The following ECD variants were observed in gnomAD, a reference collection of about 807,000 sequenced individuals.
The protein encoded by ECD is protein ecdysoneless homolog.
ECD carries 59 observed loss-of-function variants against 77.2 expected under a neutral mutation model. That is an observed-to-expected ratio of 0.76 (90% CI 0.62 to 0.95). The LOEUF (loss-of-function observed/expected upper bound fraction) is 0.95, where lower values mean the gene tolerates loss of function less well. Ranked by LOEUF, ECD falls within the 40% of genes least tolerant of loss-of-function variation. ECD has a pLI of 0.00. For synonymous variants in ECD, 233 were observed against 267.4 expected (o/e 0.87, Z 1.26); for missense variants, 704 against 763.4 (o/e 0.92, Z 0.92).
At position 73,148,594 on chromosome 10, in the gene ECD, T is replaced by C. The variant is rs549395958; in HGVS notation, c.913-190A>G. 5.3e-5 allele frequency among the ~76,000 whole-genome samples: 8 copies of C among 152,324 alleles called. No homozygotes were observed. In the East Asian group the frequency reaches 1.3e-3, roughly 26 times the overall value. Reference sequence around the variant, plus strand: ...TTATTCCCAAGTTTCTCAATCATTATAGATTACTAAAAACATAAAAGGAAA... The same window carrying C: ...TTATTCCCAAGTTTCTCAATCATTACAGATTACTAAAAACATAAAAGGAAA... On this transcript the variant is annotated intron_variant, in intron 7 of 13. Transcript: ENST00000372979.
chr10:73,158,208 G>A (rs1033524691), intron 3 of ECD, among the ~76,000 whole-genome samples: 4 of 151,798 alleles, frequency 2.6e-5, no homozygotes, highest in East Asian at 1.9e-4. Flanking sequence ...TGATGCTTCC[G>A]CTTCGACTTC....
chr10:73,148,993 T>C (rs947330372), intron 7 of ECD, among the ~76,000 whole-genome samples: 3 of 152,168 alleles, frequency 2.0e-5, no homozygotes, highest in African/African-American at 7.2e-5. Context: ...ACTCCACCCC[T>C]TTTGTTGCTC....
chr10:73,156,135 G>T, intron 5 of ECD, 140 bp downstream of exon 5: 1 of 601,946 alleles, frequency 1.7e-6, no homozygotes, highest in Non-Finnish European at 2.6e-6. Flanking sequence ...ATTAATCTAG[G>T]TGAAAGGTAT....
At chr10:73,160,291 A>G (rs201751533) in intron 3 of ECD, 143 bp downstream of exon 3, 52,254 of 464,252 alleles carry the variant, frequency 0.11, 5,732 homozygotes, top group African/African-American at 0.33. Flanking sequence ...CTCAAAAAAA[A>G]AAAAAAAGAG....
Position 73,139,631 on chromosome 10 carries a change from C to T in ECD, c.1234G>A (p.Asp412Asn), listed in dbSNP as rs781685876. ...CACTGTATCCTGGTCCATCACTTAC[C>T]ATCCTCTGGGGGAAGATTAGCTGCT... ...KEAANLPPED[D>N]DQWLDLSPDQ... Residue 412 changes from aspartate (D) to asparagine (N), a missense_variant and splice_region_variant, in exon 10 of 14, where the codon GAT (aspartate) becomes AAT (asparagine). Coordinates refer to ENST00000372979, the MANE Select transcript of ECD (RefSeq NM_007265.3). The T allele has an allele frequency of 1.9e-6, 3 of 1,604,930 alleles. No homozygotes were observed. Among genetic ancestry groups the T allele is most frequent in the Non-Finnish European group, 1.7e-6 (2 of 1,176,468 alleles).
At chr10:73,134,849 T>C (rs558791104) in intron 13 of ECD, 36 bp from the exon 14 acceptor site, 2 of 1,561,604 alleles carry the variant, frequency 1.3e-6, no homozygotes, top group African/African-American at 1.4e-5. Flanking sequence ...TATGGGCTAA[T>C]GTATCATTAG....
intron 9 of ECD, among the ~76,000 whole-genome samples, chr10:73,144,477 G>A (rs1208537815): frequency 1.3e-5 from 2 of 152,044 alleles, no homozygotes; most frequent in African/African-American, 2.4e-5. Context: ...GCAACAGAGT[G>A]AGACTCTATC....
chr10:73,159,832 AG>A (rs1317193862), intron 3 of ECD, among the ~76,000 whole-genome samples: 2 of 150,892 alleles, frequency 1.3e-5, no homozygotes, highest in African/African-American at 4.9e-5. Flanking sequence ...TAGTAGAGAC[AG>A]GGTTTCTCCA....
rs372429357 is a variant in ECD, at chr10:73,166,310, T to A, written c.-14+1556A>T. Among the ~76,000 whole-genome samples the A allele has an allele frequency of 8.0e-4, 122 of 152,342 alleles. 3 individuals carry two copies. The South Asian group carries it at 0.013, about 16-fold the overall frequency. On this transcript the variant is annotated intron_variant, in intron 1 of 13. Coordinates refer to ENST00000372979, the MANE Select transcript of ECD (RefSeq NM_007265.3). ...TGGGAGTGCAGATATCTCTTTGATA[T>A]ACTGATTTCCTTTCTTTTGGGTAAA...
At chr10:73,152,491 A>T (rs1293845124) in intron 6 of ECD, 70 bp from the exon 7 acceptor site, 4 of 1,513,126 alleles carry the variant, frequency 2.6e-6, no homozygotes, top group Non-Finnish European at 3.6e-6. Context: ...CTTCACAGTT[A>T]AATATAATGA....
At chr10:73,140,464 A>G (rs1216176677) in intron 9 of ECD, among the ~76,000 whole-genome samples, 3 of 151,108 alleles carry the variant, frequency 2.0e-5, no homozygotes, top group African/African-American at 7.3e-5. Context: ...CAAGGCGGGG[A>G]GATCACTTGA....
At chr10:73,165,891 G>C (rs1475025876) in intron 1 of ECD, among the ~76,000 whole-genome samples, 1 of 152,014 alleles carries the variant, frequency 6.6e-6, no homozygotes, top group Non-Finnish European at 1.5e-5. Context: ...TAGTCACCCT[G>C]TTGTGCTACC....
intron 1 of ECD, among the ~76,000 whole-genome samples, chr10:73,164,445 T>C (rs113973987): frequency 2.0e-5 from 3 of 152,104 alleles, no homozygotes; most frequent in African/African-American, 7.2e-5. Context: ...CCACCTACAG[T>C]AATATTTATT....
chr10:73,154,405 A>G lies in ECD; in HGVS notation c.634T>C (p.Phe212Leu), dbSNP rs1303798043. 4.3e-6 allele frequency: 7 copies of G among 1,613,506 alleles called. No individual in the cohort carries two copies. In the Middle Eastern group the frequency reaches 8.2e-4, roughly 190 times the overall value. The change falls in exon 6 of 14, where the codon TTC becomes CTC. Residue 212 changes from phenylalanine (F) to leucine (L), a missense_variant. Phe to Leu is a conservative substitution (Grantham distance 22). Coordinates refer to ENST00000372979, the MANE Select transcript of ECD (RefSeq NM_007265.3). ...ACTGCCACAATGCCAGCTGGAAGGA[A>G]GCAGTGTGCTCGATGAAGTGAGGCC... ...IQASLHRAHC[F>L]LPAGIVAVLK... is the part of the protein sequence containing the mutation.
At chr10:73,144,694 T>C (rs1435044335) in intron 9 of ECD, among the ~76,000 whole-genome samples, 3 of 152,184 alleles carry the variant, frequency 2.0e-5, no homozygotes, top group Non-Finnish European at 2.9e-5. Flanking sequence ...CTTTACTCTA[T>C]GGACTTGCCC....
At chr10:73,162,085 TTTAAATTTCATC>T in intron 2 of ECD, among the ~76,000 whole-genome samples, 1 of 152,214 alleles carries the variant, frequency 6.6e-6, no homozygotes, top group Non-Finnish European at 1.5e-5. Flanking sequence ...TAGACTTTGA[TTTAAATTTCATC>T]TTGAAGCAAT....
intron 1 of ECD, among the ~76,000 whole-genome samples, chr10:73,166,130 C>A (rs538937349): frequency 4.6e-5 from 7 of 152,248 alleles, no homozygotes; most frequent in African/African-American, 1.4e-4. Context: ...TCTTCAGTTC[C>A]ATCCATGTTG....
rs922107962 is a variant in ECD, at chr10:73,157,616, G to C, written c.324-961C>G. On this transcript the variant is annotated intron_variant, in intron 3 of 13. Transcript: ENST00000372979. ...CCATGCCTGTAATCCCAGCTACTCG[G>C]GAGGCTGAGGTAGGAGAATTGCTTG... 5.3e-5 allele frequency among the ~76,000 whole-genome samples: 8 copies of C among 151,578 alleles called. 1 individual carries two copies. Among genetic ancestry groups the C allele is most frequent in the Admixed American group, 5.2e-4 (8 of 15,258 alleles).
At chr10:73,163,622 GT>G in intron 2 of ECD, 110 bp downstream of exon 2, 1 of 1,003,972 alleles carries the variant, frequency 1.0e-6, no homozygotes, top group Non-Finnish European at 1.4e-6. Flanking sequence ...AAAAAGTTTA[GT>G]GTATTAATCT....
Sources: allele counts gnomAD v4.1 joint callset (sites outside exome capture counted in the v4.1 genomes callset), GRCh38; gene constraint gnomAD v4.1.1; transcripts MANE v1.5; gene names NCBI Gene and HGNC (gene_info 2026-07-23, HGNC 2026-07-21).